Variants in GABRB2 observed in about 807,000 individuals in gnomAD.
GABRB2 encodes the protein gamma-aminobutyric acid type A receptor subunit beta2.
Under a neutral mutation model 54.7 loss-of-function variants are expected in GABRB2, and 16 were observed. That is an observed-to-expected ratio of 0.29 (90% CI 0.20 to 0.44). The LOEUF is 0.44. Ranked by LOEUF, GABRB2 falls within the 20% of genes least tolerant of loss-of-function variation. The pLI is 1.00. For synonymous variants in GABRB2, 244 were observed against 233.8 expected (o/e 1.04, Z -0.40); for missense variants, 355 against 644.0 (o/e 0.55, Z 4.86).
intron 5 of GABRB2, among the ~76,000 whole-genome samples, chr5:161,352,535 G>A (rs369233685): frequency 3.3e-5 from 5 of 151,934 alleles, no homozygotes; most frequent in East Asian, 3.9e-4. Context: ...GTAGAATGAC[G>A]GTTACCACAG....
At chr5:161,358,562 G>C (rs1754710564) in intron 5 of GABRB2, among the ~76,000 whole-genome samples, 1 of 152,188 alleles carries the variant, frequency 6.6e-6, no homozygotes, top group South Asian at 2.1e-4. Context: ...AAAAGAGAGG[G>C]TGAATGGCTG....
Position 161,289,939 on chromosome 5 carries a change from A to C in GABRB2, c.*4142T>G, listed in dbSNP as rs1312753800. Reference sequence around the variant, plus strand: ...ACTGCAGTAATAGTACTTAGTAAAAAATAAATAAAAATTAAGAAAAAAACT... The same window carrying C: ...ACTGCAGTAATAGTACTTAGTAAAACATAAATAAAAATTAAGAAAAAAACT... On this transcript the variant is annotated 3_prime_UTR_variant, in exon 10 of 10. Transcript: ENST00000393959. The C allele has an allele frequency of 6.6e-6, 1 of 152,268 alleles. No individual in the cohort carries two copies. The highest frequency in any genetic ancestry group is 1.9e-4 in the East Asian group (1 of 5,200). The allele number at this position is 152,268 out of a possible 1,614,324, so 9.4% of individuals were successfully genotyped here. A position where few individuals can be genotyped will look rare whatever the true frequency, so the allele number is the denominator to read the frequency against.
intron 3 of GABRB2, among the ~76,000 whole-genome samples, chr5:161,526,317 A>C (rs1760278291): frequency 6.6e-6 from 1 of 151,320 alleles, no homozygotes; most frequent in Non-Finnish European, 1.5e-5. Context: ...CTCAGTCTTT[A>C]GGTGATCAAG....
In GABRB2 at chr5:161,328,322, T is replaced by C. The variant is rs558850057; in HGVS notation, c.1078-1841A>G. 8.9e-4 allele frequency among the ~76,000 whole-genome samples: 136 copies of C among 152,322 alleles called. 2 individuals are homozygous for C. The highest frequency in any genetic ancestry group is 3.1e-3 in the African/African-American group (127 of 41,580). On this transcript the variant is annotated intron_variant, in intron 8 of 9. Coordinates refer to ENST00000393959, the MANE Select transcript of GABRB2 (RefSeq NM_001371727.1). Reference sequence around the variant, plus strand: ...CAAATTTTATTTTAAAAAGTAATAATGCCTACCACTTATTATATTTTAATA... The same window carrying C: ...CAAATTTTATTTTAAAAAGTAATAACGCCTACCACTTATTATATTTTAATA...
intron 5 of GABRB2, among the ~76,000 whole-genome samples, chr5:161,382,317 T>G (rs889180720): frequency 6.6e-6 from 1 of 152,140 alleles, no homozygotes; most frequent in South Asian, 2.1e-4. Context: ...TCAGAAACTT[T>G]CCCAAAGTTA....
intron 3 of GABRB2, among the ~76,000 whole-genome samples, chr5:161,462,370 G>A (rs1238322039): frequency 6.6e-6 from 1 of 152,126 alleles, no homozygotes; most frequent in Non-Finnish European, 1.5e-5. Context: ...ATATTTTTGT[G>A]TGTGCCTATG....
At chr5:161,295,009 C>G (rs1013861068) in intron 9 of GABRB2, among the ~76,000 whole-genome samples, 4 of 152,032 alleles carry the variant, frequency 2.6e-5, no homozygotes, top group Non-Finnish European at 4.4e-5. Flanking sequence ...TTTGTAATGT[C>G]AATACAAATA....
chr5:161,470,935 C>G (rs1174050465), intron 3 of GABRB2, among the ~76,000 whole-genome samples: 4 of 151,936 alleles, frequency 2.6e-5, no homozygotes, highest in Non-Finnish European at 4.4e-5. Flanking sequence ...TTCATCGATA[C>G]ACTAAAGCTT....
rs773063040 is a variant in GABRB2 at position 161,500,944 on chromosome 5, A to T, written c.238-41100T>A. 4.1e-4 allele frequency among the ~76,000 whole-genome samples: 62 copies of T among 152,190 alleles called. 1 individual carries two copies. The highest frequency in any genetic ancestry group is 2.5e-3 in the Admixed American group (38 of 15,270). ...AGTGCACTGCACCCACTAACTCGTC[A>T]TCTAGCATTAAGCATATCTCCCAAT... On this transcript the variant is annotated intron_variant, in intron 3 of 9. Coordinates refer to ENST00000393959, the MANE Select transcript of GABRB2 (RefSeq NM_001371727.1).
intron 3 of GABRB2, among the ~76,000 whole-genome samples, chr5:161,465,439 A>G (rs1758251929): frequency 6.6e-6 from 1 of 152,106 alleles, no homozygotes; most frequent in African/African-American, 2.4e-5. Flanking sequence ...AAATAATTCC[A>G]TTCTAGAAAA....
At chr5:161,313,518 A>C (rs1272077262) in intron 9 of GABRB2, among the ~76,000 whole-genome samples, 10 of 142,722 alleles carry the variant, frequency 7.0e-5, no homozygotes, top group African/African-American at 7.9e-5. Flanking sequence ...GATTCAAAAA[A>C]CACCACCACC....
intron 9 of GABRB2, among the ~76,000 whole-genome samples, chr5:161,323,745 TC>T (rs1364204477): frequency 2.0e-5 from 3 of 152,234 alleles, no homozygotes; most frequent in Non-Finnish European, 4.4e-5. Flanking sequence ...GTTTTCTGTT[TC>T]TTCCTCATTT....
upstream of GABRB2, chr5:161,547,134 G>C (rs1026945204): frequency 3.9e-5 from 6 of 152,694 alleles, no homozygotes; most frequent in South Asian, 2.1e-4. Flanking sequence ...AGCCGGACAC[G>C]GGGCAAGGAG....
At chr5:161,354,032 G>C (rs146405297) in intron 5 of GABRB2, among the ~76,000 whole-genome samples, 3 of 152,132 alleles carry the variant, frequency 2.0e-5, no homozygotes, top group Middle Eastern at 3.4e-3. Context: ...AAAAGTAAAA[G>C]ACTAATATTA....
intron 9 of GABRB2, among the ~76,000 whole-genome samples, chr5:161,325,656 A>G (rs1659178606): frequency 6.6e-6 from 1 of 152,158 alleles, no homozygotes; most frequent in African/African-American, 2.4e-5. Flanking sequence ...GATAGGGTGG[A>G]ATGGTGACAA....
At chr5:161,474,238 G>C (rs1212731759) in intron 3 of GABRB2, among the ~76,000 whole-genome samples, 1 of 151,964 alleles carries the variant, frequency 6.6e-6, no homozygotes, top group East Asian at 1.9e-4. Context: ...ACCTTCCAAA[G>C]ATCATCAGCA....
chr5:161,316,320 GC>G (rs1436199155), intron 9 of GABRB2, among the ~76,000 whole-genome samples: 3 of 152,042 alleles, frequency 2.0e-5, no homozygotes, highest in Non-Finnish European at 4.4e-5. Flanking sequence ...TATCTGCAGA[GC>G]CATGAGCAAC....
chr5:161,384,477 C>G (rs781308290), intron 5 of GABRB2, among the ~76,000 whole-genome samples: 1 of 152,134 alleles, frequency 6.6e-6, no homozygotes, highest in Non-Finnish European at 1.5e-5. Flanking sequence ...GCTTCTTTCA[C>G]GGTAACAGTG....
chr5:161,366,257 C>T (rs575243728), intron 5 of GABRB2, among the ~76,000 whole-genome samples: 108 of 152,042 alleles, frequency 7.1e-4, no homozygotes, highest in African/African-American at 2.4e-3. Context: ...ATGACTGGCA[C>T]GGCTAGCTGC....
Sources: allele counts gnomAD v4.1 joint callset (sites outside exome capture counted in the v4.1 genomes callset), GRCh38; gene constraint gnomAD v4.1.1; transcripts MANE v1.5; gene names NCBI Gene and HGNC (gene_info 2026-07-23, HGNC 2026-07-21).